The following PITPNA variants were observed in gnomAD, a reference collection of about 807,000 sequenced individuals.
The protein encoded by PITPNA is phosphatidylinositol transfer protein alpha, also known as phosphatidylinositol transfer protein alpha isoform.
In PITPNA, 13 loss-of-function variants were observed where a neutral mutation model predicts 50.3. The ratio of observed to expected loss-of-function variants is 0.26; its 90% CI spans 0.17 to 0.41. The LOEUF is 0.41. Among genes scored for constraint, PITPNA ranks in the 10% least tolerant of loss-of-function variants. The pLI, the probability that PITPNA is intolerant of heterozygous loss-of-function variation, is 1.00. For synonymous variants in PITPNA, 120 were observed against 119.6 expected (o/e 1.00, Z -0.02); for missense variants, 207 against 333.4 (o/e 0.62, Z 2.95).
intron 7 of PITPNA, among the ~76,000 whole-genome samples, chr17:1,537,746 AG>A (rs1223849808): frequency 6.6e-6 from 1 of 152,216 alleles, no homozygotes; most frequent in East Asian, 1.9e-4. Flanking sequence ...ATATTGGGCA[AG>A]GAAGCACAAG....
chr17:1,523,825 A>G (rs1308869683), intron 10 of PITPNA, among the ~76,000 whole-genome samples: 1 of 147,578 alleles, frequency 6.8e-6, no homozygotes, highest in East Asian at 2.0e-4. Flanking sequence ...CTGATTTTTT[A>G]TTTTTTCGGT....
chr17:1,542,610 C>T (rs567658658), intron 5 of PITPNA, among the ~76,000 whole-genome samples: 1 of 152,156 alleles, frequency 6.6e-6, no homozygotes, highest in African/African-American at 2.4e-5. Context: ...ACAGAGGGGA[C>T]GGCTGTGGAA....
intron 2 of PITPNA, among the ~76,000 whole-genome samples, chr17:1,555,070 AAGAACATCTAACC>A (rs1181548254): frequency 2.6e-5 from 4 of 152,198 alleles, no homozygotes; most frequent in Admixed American, 1.3e-4. Context: ...GAAGAGCCGT[AAGAACATCTAACC>A]ACTGACTCAG....
chr17:1,562,608 C>A lies in PITPNA; in HGVS notation c.-48G>T. ...GCCCGCGGCCCGCCCGGCCTCCCGCCCGCTGCCCGCCGGCCGCTCTCCCCG... is the reference window on the plus strand; with the variant it reads ...GCCCGCGGCCCGCCCGGCCTCCCGCACGCTGCCCGCCGGCCGCTCTCCCCG... On this transcript the variant is annotated 5_prime_UTR_variant, in exon 1 of 12. Coordinates refer to ENST00000313486, the MANE Select transcript of PITPNA (RefSeq NM_006224.4). This position sits in a 1 kb window ranked among gnomAD's most constrained non-coding sequence, Gnocchi z 6.4. 1 of 1,212,704 alleles carries A rather than the reference C, an allele frequency of 8.2e-7. No homozygotes were observed. The highest frequency in any genetic ancestry group is 4.4e-5 in the Admixed American group (1 of 22,818). 75.1% of individuals were successfully genotyped at this position (1,212,704 alleles called of 1,614,324 possible).
intron 10 of PITPNA, among the ~76,000 whole-genome samples, chr17:1,529,195 C>T (rs1453208388): frequency 6.8e-6 from 1 of 146,698 alleles, no homozygotes; most frequent in Non-Finnish European, 1.5e-5. Flanking sequence ...TCATCCTTCA[C>T]ATATAGGGAT....
At position 1,559,788 on chromosome 17, in the gene PITPNA, AG is replaced by A. The variant is rs1311738113; in HGVS notation, c.21-1230del. 7 of 985,190 alleles carry A rather than the reference AG, an allele frequency of 7.1e-6. No individual in the cohort carries two copies. The East Asian group carries it at 7.9e-4, about 112-fold the overall frequency. 61.0% of individuals were successfully genotyped at this position (985,190 alleles called of 1,614,324 possible). On this transcript the variant is annotated intron_variant, in intron 1 of 11. Transcript: ENST00000313486. ...GCAAGACACCAAGCAGGAAAGTAGCAGGAAAAACAAAATGGGCTCCAAGTCT... is the reference window on the plus strand; with the variant it reads ...GCAAGACACCAAGCAGGAAAGTAGCAGAAAAACAAAATGGGCTCCAAGTCT...
At chr17:1,530,569 C>T (rs1249792156) in intron 10 of PITPNA, among the ~76,000 whole-genome samples, 1 of 152,212 alleles carries the variant, frequency 6.6e-6, no homozygotes, top group Non-Finnish European at 1.5e-5. Context: ...CAAAATCTGC[C>T]TGCACTAGAC....
chr17:1,539,555 T>C (rs1457395390), intron 6 of PITPNA, among the ~76,000 whole-genome samples: 1 of 149,160 alleles, frequency 6.7e-6, no homozygotes, highest in East Asian at 2.0e-4. Flanking sequence ...TGGGCCCGAG[T>C]GATCCTCCCG....
intron 2 of PITPNA, 140 bp downstream of exon 2, chr17:1,558,389 C>T (rs768109315): frequency 3.1e-6 from 2 of 645,334 alleles, no homozygotes; most frequent in African/African-American, 1.8e-5. Context: ...CTGAAAGTGG[C>T]ACCACGAAAT....
intron 7 of PITPNA, among the ~76,000 whole-genome samples, chr17:1,536,634 G>T (rs113409839): frequency 2.0e-5 from 3 of 151,652 alleles, no homozygotes; most frequent in African/African-American, 7.3e-5. Context: ...CACTCTGTTG[G>T]CCAGGCTGGA....
intron 6 of PITPNA, 102 bp from the exon 7 acceptor site, chr17:1,539,054 T>A: frequency 1.5e-6 from 1 of 681,660 alleles, no homozygotes; most frequent in Non-Finnish European, 2.6e-6. Flanking sequence ...TAGCCACAGA[T>A]GTAAGATTCC....
intron 7 of PITPNA, chr17:1,538,523 G>GT: frequency 5.4e-6 from 1 of 186,218 alleles, no homozygotes; most frequent in Middle Eastern, 2.5e-3. Flanking sequence ...GGAAGTAAAT[G>GT]TTTTTTTAAT....
At chr17:1,522,286 T>C (rs1426121703) in intron 10 of PITPNA, among the ~76,000 whole-genome samples, 1 of 150,910 alleles carries the variant, frequency 6.6e-6, no homozygotes. Context: ...TTAGCCAGGA[T>C]GGTCTCGATC....
chr17:1,531,183 A>G (rs145177675), intron 10 of PITPNA, among the ~76,000 whole-genome samples: 1 of 152,218 alleles, frequency 6.6e-6, no homozygotes, highest in Non-Finnish European at 1.5e-5. Context: ...CAATGGCACA[A>G]TGAGCCCACT....
At chr17:1,549,799 T>C (rs1312628258) in intron 3 of PITPNA, among the ~76,000 whole-genome samples, 1 of 113,388 alleles carries the variant, frequency 8.8e-6, no homozygotes, top group Admixed American at 1.1e-4. Flanking sequence ...CTCAGCCTCC[T>C]AAGTAGCTGG....
intron 4 of PITPNA, among the ~76,000 whole-genome samples, chr17:1,547,677 G>C (rs1035240413): frequency 7.3e-5 from 11 of 151,336 alleles, no homozygotes; most frequent in African/African-American, 2.7e-4. Context: ...AAAATAAATA[G>C]TAATGATCTA....
intron 1 of PITPNA, among the ~76,000 whole-genome samples, chr17:1,560,556 C>T (rs1236165650): frequency 2.0e-5 from 3 of 152,178 alleles, no homozygotes; most frequent in Non-Finnish European, 2.9e-5. Context: ...GGAAGGAGTG[C>T]CTCTCTTCAA....
intron 2 of PITPNA, among the ~76,000 whole-genome samples, chr17:1,554,390 ATTTTTTTTTTTTTTTTTT>A (rs61238602): frequency 1.8e-4 from 12 of 66,092 alleles, no homozygotes; most frequent in Admixed American, 1.9e-4. Context: ...GTGTTTCTCT[ATTTTTTTTTTTTTTTTTT>A]TTTTTTTTTA....
chr17:1,519,730 C>T lies in PITPNA; in HGVS notation c.*831G>A, dbSNP rs2075497400. On this transcript the variant is annotated 3_prime_UTR_variant, in exon 12 of 12. Coordinates refer to ENST00000313486, the MANE Select transcript of PITPNA (RefSeq NM_006224.4). ...AGGGACTTACAGAGCTCCTCGGGGT[C>T]AGACAGTTGGTATCTAGGGGGTGAC... is the stretch of plus-strand genomic sequence containing the variant. 1 of 152,480 alleles carries T rather than the reference C, an allele frequency of 6.6e-6. No individual in the cohort carries two copies. The highest frequency in any genetic ancestry group is 2.4e-5 in the African/African-American group (1 of 41,410). 9.4% of individuals were successfully genotyped at this position (152,480 alleles called of 1,614,324 possible).
Sources: allele counts gnomAD v4.1 joint callset (sites outside exome capture counted in the v4.1 genomes callset), GRCh38; gene constraint gnomAD v4.1.1; non-coding constraint Gnocchi (gnomAD v3.1); transcripts MANE v1.5; gene names NCBI Gene and HGNC (gene_info 2026-07-23, HGNC 2026-07-21).